SPATS2: variants seen among roughly 807,000 people sequenced by gnomAD.
SPATS2 encodes spermatogenesis-associated serine-rich protein 2.
In SPATS2, 38 loss-of-function variants were observed where a neutral mutation model predicts 63.7. The ratio of observed to expected loss-of-function variants is 0.60; its 90% CI spans 0.46 to 0.78. The LOEUF (loss-of-function observed/expected upper bound fraction) is 0.78, where lower values mean the gene tolerates loss of function less well. Among genes scored for constraint, SPATS2 ranks in the 30% least tolerant of loss-of-function variants. SPATS2 has a pLI of 0.00. For missense variants in SPATS2, 588 were observed against 666.2 expected (o/e 0.88, Z 1.29); for synonymous variants, 207 against 232.9 (o/e 0.89, Z 1.01).
rs571457988 is a variant in SPATS2 at position 49,393,632 on chromosome 12, A to G, written c.-244+22342A>G. Among the ~76,000 whole-genome samples, 39 of 152,308 alleles carry G rather than the reference A, an allele frequency of 2.6e-4. No individual in the cohort carries two copies. The South Asian group carries it at 7.0e-3, about 27-fold the overall frequency. On this transcript the variant is annotated intron_variant, in intron 2 of 13. Transcript: ENST00000552918. Reference sequence around the variant, plus strand: ...TGTGATTATAAATTAATGGATATTTATGTATTTAATATGTTTCAGGCACCG... The same window carrying G: ...TGTGATTATAAATTAATGGATATTTGTGTATTTAATATGTTTCAGGCACCG...
At chr12:49,525,759 A>C (rs536548417) in intron 13 of SPATS2, among the ~76,000 whole-genome samples, 185 bp from the exon 14 acceptor site, 1 of 152,234 alleles carries the variant, frequency 6.6e-6, no homozygotes, top group Non-Finnish European at 1.5e-5. Flanking sequence ...AGAGCAGGGA[A>C]AGATGGATTA....
At chr12:49,424,238 C>G (rs1945033958) in intron 2 of SPATS2, among the ~76,000 whole-genome samples, 1 of 151,958 alleles carries the variant, frequency 6.6e-6, no homozygotes, top group Non-Finnish European at 1.5e-5. Flanking sequence ...AAAACAAACT[C>G]AGACCATTAT....
At chr12:49,461,727 A>G (rs1475977555) in intron 3 of SPATS2, among the ~76,000 whole-genome samples, 1 of 152,226 alleles carries the variant, frequency 6.6e-6, no homozygotes. Context: ...CTATTCATAG[A>G]TCCAGGTCTC....
intron 2 of SPATS2, among the ~76,000 whole-genome samples, chr12:49,416,526 C>T (rs563288045): frequency 4.6e-5 from 7 of 151,936 alleles, no homozygotes; most frequent in South Asian, 4.2e-4. Flanking sequence ...CTCGTTCAGT[C>T]GCCCAGGCTG....
chr12:49,488,200 G>C (rs1362251606), intron 4 of SPATS2, among the ~76,000 whole-genome samples: 1 of 151,776 alleles, frequency 6.6e-6, no homozygotes, highest in African/African-American at 2.4e-5. Context: ...ATGCGTCACT[G>C]TGCCCAACTA....
intron 2 of SPATS2, among the ~76,000 whole-genome samples, chr12:49,395,736 T>C (rs1944498291): frequency 6.6e-6 from 1 of 152,250 alleles, no homozygotes; most frequent in East Asian, 1.9e-4. Flanking sequence ...CAGATTGTTA[T>C]ATTACTTCTT....
chr12:49,380,324 G>A (rs1249514362), intron 2 of SPATS2, among the ~76,000 whole-genome samples: 1 of 151,848 alleles, frequency 6.6e-6, no homozygotes, highest in East Asian at 1.9e-4. Context: ...ATGCCTGACC[G>A]AGAACCTCAT....
intron 2 of SPATS2, among the ~76,000 whole-genome samples, chr12:49,406,824 G>C (rs1944705959): frequency 6.6e-6 from 1 of 152,038 alleles, no homozygotes; most frequent in Non-Finnish European, 1.5e-5. Flanking sequence ...TGAATGAAGT[G>C]AAAGTGAGGC....
At chr12:49,447,014 C>T (rs1421886865) in intron 2 of SPATS2, among the ~76,000 whole-genome samples, 9 of 151,822 alleles carry the variant, frequency 5.9e-5, no homozygotes, top group African/African-American at 1.5e-4. Flanking sequence ...CTGCAACCTC[C>T]GCCTCCTGGG....
intron 2 of SPATS2, among the ~76,000 whole-genome samples, chr12:49,382,756 G>A (rs1165190470): frequency 6.6e-6 from 1 of 152,176 alleles, no homozygotes; most frequent in Non-Finnish European, 1.5e-5. Context: ...CCAGGCTGGA[G>A]TGCAATGGCG....
intron 2 of SPATS2, among the ~76,000 whole-genome samples, chr12:49,452,362 CT>C (rs1231544349): frequency 2.1e-4 from 32 of 152,206 alleles, no homozygotes; most frequent in Admixed American, 2.0e-3. Context: ...TGATTGCAAC[CT>C]TGACCTTCTG....
intron 4 of SPATS2, among the ~76,000 whole-genome samples, chr12:49,487,560 C>T (rs7294648): frequency 3.0e-4 from 45 of 152,008 alleles, no homozygotes; most frequent in Non-Finnish European, 5.9e-5. Context: ...ATTTTTAAAA[C>T]GGCAAGCTTA....
At chr12:49,368,555 G>A (rs1943943635) in intron 1 of SPATS2, among the ~76,000 whole-genome samples, 1 of 152,180 alleles carries the variant, frequency 6.6e-6, no homozygotes, top group Non-Finnish European at 1.5e-5. Flanking sequence ...ACTGAGAAAT[G>A]TTCTTGTGCC....
In SPATS2 at chr12:49,519,036, C is replaced by T. The variant is rs1209378291; in HGVS notation, c.899-37C>T. ...TCTAGTTCTTCTTTATCCTATTTAGCAGCAACATAAGGTTCACACTCACTT... is the reference window on the plus strand; with the variant it reads ...TCTAGTTCTTCTTTATCCTATTTAGTAGCAACATAAGGTTCACACTCACTT... On this transcript the variant is annotated intron_variant, in intron 10 of 13. Transcript: ENST00000552918. The T allele has an allele frequency of 5.9e-6, 9 of 1,530,398 alleles. No homozygotes were observed. The South Asian group carries it at 6.9e-5, about 12-fold the overall frequency. 94.8% of individuals were successfully genotyped at this position (1,530,398 alleles called of 1,614,324 possible).
intron 2 of SPATS2, among the ~76,000 whole-genome samples, chr12:49,388,538 T>A (rs1944360931): frequency 6.6e-6 from 1 of 151,746 alleles, no homozygotes; most frequent in Admixed American, 6.6e-5. Flanking sequence ...CATGCTGGAC[T>A]AATTTTTTTT....
intron 8 of SPATS2, among the ~76,000 whole-genome samples, chr12:49,498,243 A>T (rs1269306658): frequency 3.3e-5 from 5 of 151,038 alleles, no homozygotes; most frequent in African/African-American, 9.7e-5. Flanking sequence ...GAATTTAAAT[A>T]AAAAAATTGG....
At chr12:49,497,315 A>G (rs1184125168) in intron 8 of SPATS2, among the ~76,000 whole-genome samples, 1 of 151,824 alleles carries the variant, frequency 6.6e-6, no homozygotes, top group Non-Finnish European at 1.5e-5. Flanking sequence ...CTTTATTGCA[A>G]CGTTTTGGTG....
At chr12:49,396,349 C>A (rs1457226351) in intron 2 of SPATS2, among the ~76,000 whole-genome samples, 1 of 152,176 alleles carries the variant, frequency 6.6e-6, no homozygotes. Context: ...TTTAGCATCT[C>A]CTTGTCTTCA....
intron 9 of SPATS2, among the ~76,000 whole-genome samples, chr12:49,513,205 GAA>G (rs1946780330): frequency 6.8e-6 from 1 of 147,076 alleles, no homozygotes; most frequent in Non-Finnish European, 1.5e-5. Flanking sequence ...GAGCGAGAGA[GAA>G]AGAGTGTGTG....
Sources: allele counts gnomAD v4.1 joint callset (sites outside exome capture counted in the v4.1 genomes callset), GRCh38; gene constraint gnomAD v4.1.1; transcripts MANE v1.5; gene names NCBI Gene and HGNC (gene_info 2026-07-23, HGNC 2026-07-21).